Variants in RASGRP3 observed in about 807,000 individuals in gnomAD.
RASGRP3 encodes ras guanyl-releasing protein 3.
RASGRP3 carries 54 observed loss-of-function variants against 82.7 expected under a neutral mutation model. That is an observed-to-expected ratio of 0.65 (90% confidence interval 0.52 to 0.82). The LOEUF (loss-of-function observed/expected upper bound fraction) is 0.82. Among genes scored for constraint, RASGRP3 ranks in the 40% least tolerant of loss-of-function variants. The pLI, the probability that RASGRP3 is intolerant of heterozygous loss-of-function variation, is 0.00. For synonymous variants in RASGRP3, 309 were observed against 300.5 expected (o/e 1.03, Z -0.29); for missense variants, 861 against 828.9 (o/e 1.04, Z -0.48).
At chr2:33,537,081 A>G (rs1673688208) in intron 11 of RASGRP3, among the ~76,000 whole-genome samples, 1 of 152,056 alleles carries the variant, frequency 6.6e-6, no homozygotes, top group Non-Finnish European at 1.5e-5. Flanking sequence ...TGGTGAAGGC[A>G]GAGGTTTTAT....
intron 1 of RASGRP3, chr2:33,482,017 AT>A (rs1253707665): frequency 0.038 from 5,047 of 132,508 alleles, 274 homozygotes; most frequent in African/African-American, 0.12. Context: ...TTAGGGTAAT[AT>A]TTTTTTTTTT....
intron 12 of RASGRP3, among the ~76,000 whole-genome samples, chr2:33,541,354 C>T (rs1674266324): frequency 6.8e-6 from 1 of 146,854 alleles, no homozygotes; most frequent in Non-Finnish European, 1.5e-5. Context: ...TGTATAAACA[C>T]ACATATACTA....
chr2:33,527,604 G>A (rs376805210), intron 10 of RASGRP3, among the ~76,000 whole-genome samples, 192 bp downstream of exon 10: 1 of 152,234 alleles, frequency 6.6e-6, no homozygotes, highest in East Asian at 1.9e-4. Context: ...CAAATCTTGG[G>A]GCAAAGAAAT....
intron 1 of RASGRP3, among the ~76,000 whole-genome samples, chr2:33,442,552 C>T (rs1665283749): frequency 6.6e-6 from 1 of 152,218 alleles, no homozygotes; most frequent in Non-Finnish European, 1.5e-5. Flanking sequence ...AATTCATTGC[C>T]ATTGACGGCC....
chr2:33,455,919 G>A (rs1222362274), intron 2 of RASGRP3, among the ~76,000 whole-genome samples: 1 of 152,162 alleles, frequency 6.6e-6, no homozygotes, highest in Non-Finnish European at 1.5e-5. Context: ...TAGGTAGCAA[G>A]TGATACATCA....
chr2:33,538,884 C>T (rs1461263956), intron 11 of RASGRP3, among the ~76,000 whole-genome samples: 1 of 151,700 alleles, frequency 6.6e-6, no homozygotes, highest in African/African-American at 2.4e-5. Flanking sequence ...ACTAAATATA[C>T]AAAAATTAGC....
chr2:33,464,110 A>ATT (rs1558406230), intron 2 of RASGRP3, among the ~76,000 whole-genome samples: 81 of 144,258 alleles, frequency 5.6e-4, no homozygotes, highest in East Asian at 1.6e-3. Flanking sequence ...TAATAATAAT[A>ATT]ATTATTATTA....
chr2:33,451,495 A>G (rs1350563497), intron 2 of RASGRP3, among the ~76,000 whole-genome samples: 3 of 152,204 alleles, frequency 2.0e-5, no homozygotes, highest in Non-Finnish European at 4.4e-5. Context: ...GACCAATGAC[A>G]AGAAGATATT....
At chr2:33,444,415 T>C (rs1381841446) in intron 1 of RASGRP3, among the ~76,000 whole-genome samples, 1 of 152,344 alleles carries the variant, frequency 6.6e-6, no homozygotes, top group East Asian at 1.9e-4. Flanking sequence ...TCCCTTTTTG[T>C]AATAAGTCTT....
intron 1 of RASGRP3, among the ~76,000 whole-genome samples, chr2:33,436,994 A>G (rs1414524868): frequency 6.6e-6 from 1 of 152,172 alleles, no homozygotes; most frequent in African/African-American, 2.4e-5. Flanking sequence ...CTTTTAATAA[A>G]TAGGCCTTCA....
intron 4 of RASGRP3, among the ~76,000 whole-genome samples, chr2:33,517,825 A>G (rs1040947086): frequency 7.9e-5 from 12 of 152,190 alleles, no homozygotes; most frequent in Admixed American, 7.2e-4. Context: ...AAACACAAAT[A>G]AAAAGGGATA....
At chr2:33,532,070 T>G (rs1174826763) in intron 10 of RASGRP3, 1 of 152,250 alleles carries the variant, frequency 6.6e-6, no homozygotes, top group South Asian at 2.1e-4. Context: ...AAGACAGATG[T>G]GCTGCCCACT....
At chr2:33,483,948 C>T (rs918824391) in intron 1 of RASGRP3, among the ~76,000 whole-genome samples, 8 of 151,938 alleles carry the variant, frequency 5.3e-5, no homozygotes, top group African/African-American at 1.7e-4. Context: ...AAAGGAGGAG[C>T]GACAAGCTAT....
intron 2 of RASGRP3, among the ~76,000 whole-genome samples, chr2:33,460,675 C>T (rs1304862777): frequency 6.6e-6 from 1 of 151,894 alleles, no homozygotes; most frequent in East Asian, 1.9e-4. Flanking sequence ...CCGCCATGCC[C>T]GGCTAATTTT....
intron 11 of RASGRP3, among the ~76,000 whole-genome samples, chr2:33,537,330 C>CCCCCCCCACA (rs66749495): frequency 1.0e-5 from 1 of 95,690 alleles, no homozygotes; most frequent in Non-Finnish European, 2.0e-5. Context: ...ACCGCCCCCC[C>CCCCCCCCACA]CACACACACA....
intron 11 of RASGRP3, among the ~76,000 whole-genome samples, chr2:33,536,332 A>AC (rs901045644): frequency 4.6e-5 from 7 of 151,014 alleles, no homozygotes; most frequent in African/African-American, 1.5e-4. Context: ...GAAAAAAAAA[A>AC]AAAAACGACA....
chr2:33,504,216 T>C (rs1475435796), intron 1 of RASGRP3, among the ~76,000 whole-genome samples: 1 of 152,202 alleles, frequency 6.6e-6, no homozygotes, highest in Admixed American at 6.5e-5. Flanking sequence ...GTATTTTCTA[T>C]TGTAATTTTG....
chr2:33,520,224 C>T (rs139310832), intron 5 of RASGRP3, among the ~76,000 whole-genome samples: 39 of 152,168 alleles, frequency 2.6e-4, no homozygotes, highest in Admixed American at 4.6e-4. Flanking sequence ...AATGTGATTA[C>T]GGAATGAAAC....
intron 10 of RASGRP3, among the ~76,000 whole-genome samples, chr2:33,528,038 C>T (rs1672751417): frequency 6.6e-6 from 1 of 152,264 alleles, no homozygotes; most frequent in Non-Finnish European, 1.5e-5. Context: ...TTGGAGAATC[C>T]CATCCCAACC....
Sources: gnomAD v4.1 joint callset for allele counts (sites outside exome capture counted in the v4.1 genomes callset) on GRCh38, gnomAD v4.1.1 for gene constraint, MANE v1.5 for transcripts, NCBI Gene and HGNC (gene_info 2026-07-23, HGNC 2026-07-21) for gene names.